LRIF1: variants seen among roughly 807,000 people sequenced by gnomAD.
LRIF1 encodes ligand dependent nuclear receptor interacting factor 1, also known as ligand-dependent nuclear receptor-interacting factor 1.
Under a neutral mutation model 52.7 loss-of-function variants are expected in LRIF1, and 32 were observed. That is an observed-to-expected ratio of 0.61 (90% CI 0.46 to 0.82). The LOEUF is 0.82. LRIF1 is among the 40% of genes least tolerant of loss of function. The pLI is 0.00. For missense variants in LRIF1, 887 were observed against 892.0 expected (o/e 0.99, Z 0.07); for synonymous variants, 323 against 317.4 (o/e 1.02, Z -0.19).
rs188776039 is a variant in LRIF1, at chr1:110,963,401, C to T, written c.68+220G>A. On this transcript the variant is annotated intron_variant, in intron 1 of 3. Coordinates refer to ENST00000369763, the MANE Select transcript of LRIF1 (RefSeq NM_018372.4). ...TTAAACTTGAGACGCTGGGGTCCCGCGGAGCCGCTGTGTCAGGCTCTAAAG... is the reference window on the plus strand; with the variant it reads ...TTAAACTTGAGACGCTGGGGTCCCGTGGAGCCGCTGTGTCAGGCTCTAAAG... 8.7e-5 allele frequency: 31 copies of T among 358,128 alleles called. No homozygotes were observed. In the East Asian group the frequency reaches 1.3e-3, roughly 15 times the overall value. The allele number at this position is 358,128 out of a possible 1,614,324, so 22.2% of individuals were successfully genotyped here.
At chr1:110,904,837 G>T in the LRIF1 span, among the ~76,000 whole-genome samples, 1 of 152,156 alleles carries the variant, frequency 6.6e-6, no homozygotes, top group East Asian at 1.9e-4. Context: ...AGATATGCAA[G>T]CTTTCAGACA....
the LRIF1 span, chr1:110,894,546 A>T: frequency 3.3e-6 from 2 of 612,632 alleles, no homozygotes; most frequent in Non-Finnish European, 5.7e-6. Flanking sequence ...AGTAATTGTA[A>T]TTGGGGGGAA....
rs149644670 is a variant in LRIF1, at chr1:110,956,702, T to C, written c.69-3887A>G. 1.3e-3 allele frequency among the ~76,000 whole-genome samples: 202 copies of C among 152,238 alleles called. 1 individual carries two copies. The highest frequency in any genetic ancestry group is 6.8e-3 in the Middle Eastern group (2 of 294). On this transcript the variant is annotated intron_variant, in intron 1 of 3. Transcript: ENST00000369763. The stretch of plus-strand genomic sequence containing the variant: ...GGGGAAAAGATCTCTGTAATAAAGA[T>C]GAGGTGACAAAGAGATTATCCATAC...
chr1:110,951,329 C>T lies in LRIF1; in HGVS notation c.1555G>A (p.Val519Ile), dbSNP rs756058611. 1.9e-6 allele frequency: 3 copies of T among 1,614,032 alleles called. No homozygotes were observed. The highest frequency in any genetic ancestry group is 1.7e-6 in the Non-Finnish European group (2 of 1,179,938). Residue 519 changes from valine (V) to isoleucine (I), a missense_variant, in exon 2 of 4, where the codon GTT (valine) becomes ATT (isoleucine). Transcript: ENST00000369763. ...KISSSVDATTVTSQQCVFRDQ... is the reference protein window; with the variant it reads ...KISSSVDATTITSQQCVFRDQ... ...CTGAAAACACACTGTTGTGAAGTAA[C>T]AGTTGTTGCATCAACAGAGGAACTT...
the LRIF1 span, chr1:110,939,734 A>T: frequency 6.6e-6 from 1 of 152,224 alleles, no homozygotes. Context: ...TATACTGGGG[A>T]AAAGACATTC....
intron 1 of LRIF1, among the ~76,000 whole-genome samples, chr1:110,956,608 A>G (rs1377615360): frequency 6.6e-6 from 1 of 152,238 alleles, no homozygotes; most frequent in African/African-American, 2.4e-5. Context: ...TCGTAGATGC[A>G]GCAATTTCAT....
At position 110,950,350 on chromosome 1, in the gene LRIF1, G is replaced by T. The variant is rs1031189956; in HGVS notation, c.1597-227C>A. Reference sequence around the variant, plus strand: ...CTCAATTAATTTGTTGCACTAGAAAGGTAATAAGTAGTCAATTCTAAAACA... The same window carrying T: ...CTCAATTAATTTGTTGCACTAGAAATGTAATAAGTAGTCAATTCTAAAACA... On this transcript the variant is annotated intron_variant, in intron 2 of 3. Coordinates refer to ENST00000369763, the MANE Select transcript of LRIF1 (RefSeq NM_018372.4). 2.0e-5 allele frequency among the ~76,000 whole-genome samples: 3 copies of T among 152,092 alleles called. No individual in the cohort carries two copies. The South Asian group carries it at 6.2e-4, about 32-fold the overall frequency.
At chr1:110,945,519 G>C (rs554168618), downstream of LRIF1, among the ~76,000 whole-genome samples, 1 of 144,896 alleles carries the variant, frequency 6.9e-6, no homozygotes, top group African/African-American at 2.5e-5. Flanking sequence ...TCCACCTCCC[G>C]GGTTCAAGCA....
At chr1:110,925,437 G>A in the LRIF1 span, among the ~76,000 whole-genome samples, 10 of 151,726 alleles carry the variant, frequency 6.6e-5, no homozygotes, top group East Asian at 7.7e-4. Flanking sequence ...CTTCACACGC[G>A]CATACACATA....
intron 1 of LRIF1, among the ~76,000 whole-genome samples, chr1:110,961,338 A>C (rs1183945495): frequency 1.3e-5 from 2 of 152,202 alleles, no homozygotes; most frequent in Non-Finnish European, 2.9e-5. Context: ...TTTTTCATCA[A>C]ATGTTTAAAC....
the LRIF1 span, among the ~76,000 whole-genome samples, chr1:110,906,944 T>TTTA: frequency 6.6e-6 from 1 of 152,198 alleles, no homozygotes; most frequent in East Asian, 1.9e-4. Context: ...GTTATTACAA[T>TTTA]AGTATGGAAA....
the LRIF1 span, among the ~76,000 whole-genome samples, chr1:110,931,434 G>A: frequency 6.8e-4 from 104 of 152,246 alleles, 1 homozygote; most frequent in Middle Eastern, 3.4e-3. Context: ...GAATAGTGGC[G>A]CAAGAAACAT....
chr1:110,962,460 T>TA (rs1296429972), intron 1 of LRIF1, among the ~76,000 whole-genome samples: 5 of 152,194 alleles, frequency 3.3e-5, no homozygotes, highest in Non-Finnish European at 7.3e-5. Context: ...GACTCACCAT[T>TA]ACTTACGGTC....
At chr1:110,881,993 G>A in the LRIF1 span, among the ~76,000 whole-genome samples, 1 of 152,178 alleles carries the variant, frequency 6.6e-6, no homozygotes, top group African/African-American at 2.4e-5. Context: ...AGCTTCAAGA[G>A]TTGTTTTTAT....
the LRIF1 span, chr1:110,941,583 G>T: frequency 1.3e-5 from 2 of 152,078 alleles, no homozygotes; most frequent in Non-Finnish European, 2.9e-5. Context: ...GCCCAGAAAA[G>T]ATACTTAGAG....
At chr1:110,958,815 C>A (rs1428288119) in intron 1 of LRIF1, among the ~76,000 whole-genome samples, 1 of 152,156 alleles carries the variant, frequency 6.6e-6, no homozygotes, top group Non-Finnish European at 1.5e-5. Flanking sequence ...CTGGAAATTG[C>A]ACACAATAAT....
chr1:110,913,227 G>A, the LRIF1 span, among the ~76,000 whole-genome samples: 1 of 152,116 alleles, frequency 6.6e-6, no homozygotes, highest in African/African-American at 2.4e-5. Flanking sequence ...AACCCTAGAA[G>A]AAAATCTGGG....
Position 110,947,865 on chromosome 1 carries a change from C to A in LRIF1, c.*94G>T. The A allele has an allele frequency of 6.8e-7, 1 of 1,470,300 alleles. No individual in the cohort carries two copies. 91.1% of individuals were successfully genotyped at this position (1,470,300 alleles called of 1,614,324 possible). A position where few individuals can be genotyped will look rare whatever the true frequency, so the allele number is the denominator to read the frequency against. On this transcript the variant is annotated 3_prime_UTR_variant, in exon 4 of 4. Coordinates refer to ENST00000369763, the MANE Select transcript of LRIF1 (RefSeq NM_018372.4). ...CTGATGAAAAAACAAGCTTCATATT[C>A]AAAGACACTTTCAGAACACACCTAC...
intron 1 of LRIF1, among the ~76,000 whole-genome samples, chr1:110,957,195 C>T (rs577742798): frequency 1.2e-4 from 18 of 151,336 alleles, no homozygotes; most frequent in African/African-American, 3.4e-4. Context: ...CGGTGGCTCA[C>T]GCCTGTAATC....
Sources: gnomAD v4.1 joint callset for allele counts (sites outside exome capture counted in the v4.1 genomes callset) on GRCh38, gnomAD v4.1.1 for gene constraint, MANE v1.5 for transcripts, NCBI Gene and HGNC (gene_info 2026-07-23, HGNC 2026-07-21) for gene names.